The following SHISA6 variants were observed in gnomAD, a reference collection of about 807,000 sequenced individuals.
SHISA6 encodes shisa family member 6, also known as protein shisa-6.
A neutral mutation model predicts 47.9 loss-of-function variants in SHISA6; 22 were observed. The observed-to-expected ratio is 0.46, with a 90% CI of 0.33 to 0.66. The LOEUF (loss-of-function observed/expected upper bound fraction) is 0.66, where lower values mean the gene tolerates loss of function less well. Among genes scored for constraint, SHISA6 ranks in the 30% least tolerant of loss-of-function variants. SHISA6 has a pLI of 0.02. For missense variants in SHISA6, 680 were observed against 764.6 expected (o/e 0.89, Z 1.30); for synonymous variants, 388 against 337.8 (o/e 1.15, Z -1.63).
chr17:11,456,447 G>C (rs938988075), intron 3 of SHISA6, among the ~76,000 whole-genome samples: 1 of 152,204 alleles, frequency 6.6e-6, no homozygotes, highest in Non-Finnish European at 1.5e-5. Context: ...TGGACCCTGG[G>C]TATGAGCACA....
intron 3 of SHISA6, among the ~76,000 whole-genome samples, chr17:11,544,578 C>T (rs1223057115): frequency 2.6e-5 from 4 of 152,084 alleles, no homozygotes; most frequent in Admixed American, 2.6e-4. Context: ...CTGGCAAGGA[C>T]ATAGAGAAAC....
At chr17:11,483,508 A>G (rs1916271834) in intron 3 of SHISA6, among the ~76,000 whole-genome samples, 1 of 152,214 alleles carries the variant, frequency 6.6e-6, no homozygotes, top group South Asian at 2.1e-4. Context: ...AAAATGTAAA[A>G]GTTTAGAGCT....
At chr17:11,332,106 C>T (rs572893383) in intron 2 of SHISA6, among the ~76,000 whole-genome samples, 1 of 140,030 alleles carries the variant, frequency 7.1e-6, no homozygotes, top group African/African-American at 2.6e-5. Context: ...ACACTTATAA[C>T]CACAGGAGTT....
chr17:11,476,738 T>C (rs1394759991), intron 3 of SHISA6, among the ~76,000 whole-genome samples: 1 of 152,072 alleles, frequency 6.6e-6, no homozygotes, highest in African/African-American at 2.4e-5. Context: ...ATTTTGCTAG[T>C]GTTAGATGAA....
At chr17:11,260,366 G>A (rs949755323) in intron 1 of SHISA6, among the ~76,000 whole-genome samples, 1 of 152,080 alleles carries the variant, frequency 6.6e-6, no homozygotes, top group Non-Finnish European at 1.5e-5. Flanking sequence ...TACTACTAAG[G>A]TGACTCTTCA....
intron 3 of SHISA6, among the ~76,000 whole-genome samples, chr17:11,476,780 T>C (rs1916061675): frequency 6.6e-6 from 1 of 152,108 alleles, no homozygotes; most frequent in Non-Finnish European, 1.5e-5. Flanking sequence ...ATTCATTTAA[T>C]TGATGGTGTT....
At chr17:11,361,824 G>T (rs1912297660) in intron 2 of SHISA6, among the ~76,000 whole-genome samples, 1 of 152,204 alleles carries the variant, frequency 6.6e-6, no homozygotes, top group East Asian at 1.9e-4. Flanking sequence ...GGTCCTTGCT[G>T]CACAGTAAGT....
At position 11,314,631 on chromosome 17, in the gene SHISA6, A is replaced by T. The variant is rs558029954; in HGVS notation, c.799+51105A>T. On this transcript the variant is annotated intron_variant, in intron 2 of 5. Coordinates refer to ENST00000441885, the MANE Select transcript of SHISA6 (RefSeq NM_207386.4). ...GCTCACTGCAACCTCCGTCTCCCGG[A>T]TTCAAGCAATTCTCCTGCCTCAGCC... Among the ~76,000 whole-genome samples the T allele has an allele frequency of 6.7e-5, 10 of 150,090 alleles. No individual in the cohort carries two copies. In the East Asian group the frequency reaches 1.8e-3, roughly 27 times the overall value.
rs369921353 is a variant in SHISA6, at chr17:11,294,918, G to A, written c.799+31392G>A. 7.9e-5 allele frequency among the ~76,000 whole-genome samples: 12 copies of A among 152,336 alleles called. No homozygotes were observed. In the East Asian group the frequency reaches 2.3e-3, roughly 29 times the overall value. Reference sequence around the variant, plus strand: ...TCTCTTTGGCATATCTGACTTGCCAGTATCGCTACTCTGTGCTTTGGAACC... The same window carrying A: ...TCTCTTTGGCATATCTGACTTGCCAATATCGCTACTCTGTGCTTTGGAACC... On this transcript the variant is annotated intron_variant, in intron 2 of 5. Coordinates refer to ENST00000441885, the MANE Select transcript of SHISA6 (RefSeq NM_207386.4).
At chr17:11,308,452 A>G (rs1191094965) in intron 2 of SHISA6, among the ~76,000 whole-genome samples, 2 of 152,168 alleles carry the variant, frequency 1.3e-5, no homozygotes, top group African/African-American at 4.8e-5. Flanking sequence ...TCCCTTCTGC[A>G]TCCAAGGATA....
intron 3 of SHISA6, among the ~76,000 whole-genome samples, chr17:11,545,576 TTG>T (rs1335557930): frequency 2.6e-5 from 4 of 152,210 alleles, no homozygotes; most frequent in Admixed American, 2.6e-4. Context: ...TTCATTATAG[TTG>T]CATGTGAGAC....
chr17:11,431,201 C>G (rs2142289784), intron 3 of SHISA6, among the ~76,000 whole-genome samples: 2 of 152,326 alleles, frequency 1.3e-5, no homozygotes, highest in South Asian at 4.1e-4. Flanking sequence ...TGTCTCCCCA[C>G]TCTCCTCCAT....
chr17:11,368,030 G>T (rs184792577), intron 2 of SHISA6, among the ~76,000 whole-genome samples: 3 of 152,026 alleles, frequency 2.0e-5, no homozygotes, highest in Admixed American at 2.0e-4. Context: ...CTAACCCCAA[G>T]TCACTCACAT....
chr17:11,297,891 G>A (rs545274310), intron 2 of SHISA6, among the ~76,000 whole-genome samples: 1 of 152,278 alleles, frequency 6.6e-6, no homozygotes, highest in African/African-American at 2.4e-5. Flanking sequence ...AATGGATGGC[G>A]GAGCTGGAGG....
At position 11,343,546 on chromosome 17, in the gene SHISA6, C is replaced by T. The variant is rs187029116; in HGVS notation, c.800-35868C>T. Among the ~76,000 whole-genome samples, 426 of 150,928 alleles carry T rather than the reference C, an allele frequency of 2.8e-3. 3 individuals are homozygous for T. Among genetic ancestry groups the T allele is most frequent in the African/African-American group, 1.0e-2 (402 of 40,248 alleles). On this transcript the variant is annotated intron_variant, in intron 2 of 5. Coordinates refer to ENST00000441885, the MANE Select transcript of SHISA6 (RefSeq NM_207386.4). ...TCCTGCTGGGAACATGTGAAGGTAC[C>T]CTGACGTTGTCTGCCTGGGATGCTG... is the stretch of plus-strand genomic sequence containing the variant.
chr17:11,401,183 T>G (rs1913760643), intron 3 of SHISA6, among the ~76,000 whole-genome samples: 1 of 152,156 alleles, frequency 6.6e-6, no homozygotes, highest in Non-Finnish European at 1.5e-5. Context: ...ATTCCAGATA[T>G]GTAAGTTTTG....
At chr17:11,466,069 A>T (rs1915804301) in intron 3 of SHISA6, among the ~76,000 whole-genome samples, 2 of 151,614 alleles carry the variant, frequency 1.3e-5, no homozygotes, top group African/African-American at 4.9e-5. Context: ...TTGCTGCAGC[A>T]CAATCTACAC....
chr17:11,253,547 T>A (rs531215416), intron 1 of SHISA6, among the ~76,000 whole-genome samples: 10 of 152,190 alleles, frequency 6.6e-5, no homozygotes, highest in Non-Finnish European at 1.2e-4. Context: ...AAATCCTGCA[T>A]TGGCCCGGGA....
intron 2 of SHISA6, among the ~76,000 whole-genome samples, chr17:11,341,686 C>T (rs1311752233): frequency 1.3e-5 from 2 of 152,096 alleles, no homozygotes; most frequent in Non-Finnish European, 2.9e-5. Flanking sequence ...GCTCATTGAT[C>T]TGCCCAAGGT....
Sources: allele counts gnomAD v4.1 joint callset (sites outside exome capture counted in the v4.1 genomes callset), GRCh38; gene constraint gnomAD v4.1.1; transcripts MANE v1.5; gene names NCBI Gene and HGNC (gene_info 2026-07-23, HGNC 2026-07-21).